DCHS2: variants seen among roughly 807,000 people sequenced by gnomAD.
DCHS2 encodes the protein protocadherin-23.
DCHS2 carries 142 observed loss-of-function variants against 182.4 expected under a neutral mutation model. The ratio of observed to expected loss-of-function variants is 0.78; its 90% CI spans 0.68 to 0.89. The LOEUF (loss-of-function observed/expected upper bound fraction) is 0.89. Ranked by LOEUF, DCHS2 falls within the 40% of genes least tolerant of loss-of-function variation. The pLI is 0.00. For synonymous variants in DCHS2, 1,740 were observed against 1,663.3 expected (o/e 1.05, Z -1.12); for missense variants, 4,319 against 4,198.6 (o/e 1.03, Z -0.79).
At chr4:154,275,182 A>G (rs988027446) in intron 13 of DCHS2, among the ~76,000 whole-genome samples, 1 of 152,104 alleles carries the variant, frequency 6.6e-6, no homozygotes, top group Non-Finnish European at 1.5e-5. Context: ...GTAAATATTA[A>G]AGGAAACAAG....
chr4:154,465,087 G>C (rs1735184533), intron 1 of DCHS2, among the ~76,000 whole-genome samples: 1 of 152,172 alleles, frequency 6.6e-6, no homozygotes, highest in Non-Finnish European at 1.5e-5. Context: ...CTTAAAACAA[G>C]ATATATTTAT....
chr4:154,357,173 G>T, intron 3 of DCHS2: 1 of 1,308,908 alleles, frequency 7.6e-7, no homozygotes, highest in Non-Finnish European at 1.1e-6. Flanking sequence ...GGCCTTTTTG[G>T]TGAATGCTTC....
At chr4:154,369,712 G>A (rs896672460) in intron 2 of DCHS2, among the ~76,000 whole-genome samples, 4 of 152,084 alleles carry the variant, frequency 2.6e-5, no homozygotes, top group African/African-American at 9.7e-5. Context: ...GCATGAGTAT[G>A]TCTTAATTTT....
intron 3 of DCHS2, among the ~76,000 whole-genome samples, chr4:154,351,795 G>A (rs1005408000): frequency 4.6e-5 from 7 of 152,064 alleles, no homozygotes; most frequent in Non-Finnish European, 1.0e-4. Context: ...TGCTTACGCC[G>A]ATCTGACAGG....
intron 13 of DCHS2, among the ~76,000 whole-genome samples, chr4:154,285,632 G>A (rs765747568): frequency 1.3e-5 from 2 of 152,178 alleles, no homozygotes; most frequent in Admixed American, 6.5e-5. Context: ...GTGGCCATAT[G>A]AGAGAGACTC....
chr4:154,353,121 A>G (rs949187857), intron 3 of DCHS2, among the ~76,000 whole-genome samples: 1 of 152,200 alleles, frequency 6.6e-6, no homozygotes, highest in African/African-American at 2.4e-5. Flanking sequence ...TGAACTCACA[A>G]TATAGGATGA....
chr4:154,260,129 T>C (rs148492057), intron 14 of DCHS2, among the ~76,000 whole-genome samples: 43 of 152,308 alleles, frequency 2.8e-4, no homozygotes, highest in South Asian at 1.0e-3. Context: ...GCCATAGTTA[T>C]TCTTAAAATG....
At chr4:154,328,584 C>T (rs1159106651) in intron 6 of DCHS2, among the ~76,000 whole-genome samples, 2 of 152,074 alleles carry the variant, frequency 1.3e-5, no homozygotes, top group East Asian at 1.9e-4. Context: ...AAGTATGAAC[C>T]TTTAATTCAG....
At chr4:154,453,606 C>T (rs141051287) in intron 1 of DCHS2, among the ~76,000 whole-genome samples, 1 of 152,256 alleles carries the variant, frequency 6.6e-6, no homozygotes, top group Non-Finnish European at 1.5e-5. Flanking sequence ...AGAGGACCCC[C>T]TGGTCTAACC....
chr4:154,343,450 A>G, intron 3 of DCHS2: 1 of 1,399,362 alleles, frequency 7.1e-7, no homozygotes, highest in Non-Finnish European at 9.3e-7. Flanking sequence ...TTGAAAATCT[A>G]TTGTTTAGTG....
At chr4:154,319,829 T>C (rs1410849012) in intron 9 of DCHS2, among the ~76,000 whole-genome samples, 1 of 152,106 alleles carries the variant, frequency 6.6e-6, no homozygotes, top group African/African-American at 2.4e-5. Context: ...CAACTCCACT[T>C]TTGGATATTT....
In DCHS2 at chr4:154,320,509, C is replaced by T. The variant is rs1467896329; in HGVS notation, c.4890G>A (p.Glu1630=). ...GGACCAAGGAGCCCACTGTGACATC[C>T]TCTTTGACATGGGCATTGGGGAAAG... ...FISFPNAHVK[E]DVTVGSLVHH... Residue 1630 remains glutamate, a synonymous_variant, in exon 9 of 20, where the codon GAG becomes GAA. Transcript: ENST00000357232. 3 of 1,614,040 alleles carry T rather than the reference C, an allele frequency of 1.9e-6. No individual in the cohort carries two copies. The Admixed American group carries it at 5.0e-5, about 27-fold the overall frequency.
At position 154,240,729 on chromosome 4, in the gene DCHS2, A is replaced by G; in HGVS notation, c.7167T>C (p.Pro2389=). ...TCTGATCAATAGCAAACTTGGTTCC[A>G]GGATTACTCTCTTTGGCAAAACTGA... is the stretch of plus-strand genomic sequence containing the variant. ...FIFSFAKESN[P]GTKFAIDQNT... is the part of the protein sequence containing the mutation. Residue 2389 remains proline (P), a synonymous_variant, in exon 18 of 20, where the codon CCT becomes CCC. Transcript: ENST00000357232. 2 of 1,614,018 alleles carry G rather than the reference A, an allele frequency of 1.2e-6. No homozygotes were observed. Among genetic ancestry groups the G allele is most frequent in the Non-Finnish European group, 1.7e-6 (2 of 1,179,924 alleles).
intron 1 of DCHS2, among the ~76,000 whole-genome samples, chr4:154,486,879 T>C (rs927594685): frequency 2.6e-5 from 4 of 152,132 alleles, no homozygotes; most frequent in Non-Finnish European, 4.4e-5. Context: ...GTCAGCACAA[T>C]TTAATGCTGT....
At chr4:154,239,447 A>G in intron 18 of DCHS2, 145 bp from the exon 19 acceptor site, 1 of 1,272,632 alleles carries the variant, frequency 7.9e-7, no homozygotes. Context: ...ATATTAATTT[A>G]TGGAATTGGC....
Position 154,490,432 on chromosome 4 carries a change from G to T in DCHS2, c.924C>A (p.Asp308Glu). The T allele has an allele frequency of 1.3e-6, 2 of 1,534,022 alleles. No homozygotes were observed. The highest frequency in any genetic ancestry group is 2.5e-5 in the East Asian group (1 of 40,638). ...QDEYRAAVRE[D>E]AQPGAEVCRV... ...GACAGACCTCGGCGCCCGGCTGGGC[G>T]TCCTCGCGCACCGCGGCGCGGTACT... Residue 308 changes from aspartate (D) to glutamate (E), a missense_variant, in exon 1 of 20, where the codon GAC (aspartate) becomes GAA (glutamate). Asp to Glu is a conservative substitution (Grantham distance 45, BLOSUM62 2). Transcript: ENST00000357232.
At chr4:154,319,754 A>C (rs1735986736) in intron 9 of DCHS2, among the ~76,000 whole-genome samples, 1 of 152,006 alleles carries the variant, frequency 6.6e-6, no homozygotes, top group Admixed American at 6.6e-5. Context: ...AAAATGTTAC[A>C]GCCACTATGG....
In DCHS2 at chr4:154,320,830, A is replaced by C. The variant is rs1736031544; in HGVS notation, c.4569T>G (p.Val1523=). ...ELIVISVEEN[V]PIGTLVYVFN... is the part of the protein sequence containing the mutation. Reference sequence around the variant, plus strand: ...AGACATACACCAGGGTTCCTATGGGAACATTCTCCTCTACACTGATCACAA... The same window carrying C: ...AGACATACACCAGGGTTCCTATGGGCACATTCTCCTCTACACTGATCACAA... The change falls in exon 9 of 20, where the codon GTT becomes GTG. Residue 1523 remains valine, a synonymous_variant. Transcript: ENST00000357232. The C allele has an allele frequency of 6.2e-7, 1 of 1,613,942 alleles. No homozygotes were observed.
chr4:154,240,026 CA>C (rs1731723886), intron 18 of DCHS2, among the ~76,000 whole-genome samples: 1 of 152,134 alleles, frequency 6.6e-6, no homozygotes, highest in Admixed American at 6.6e-5. Context: ...TTGCTACATT[CA>C]AAAGTTCTGG....
Sources: gnomAD v4.1 joint callset for allele counts (sites outside exome capture counted in the v4.1 genomes callset) on GRCh38, gnomAD v4.1.1 for gene constraint, MANE v1.5 for transcripts, NCBI Gene and HGNC (gene_info 2026-07-23, HGNC 2026-07-21) for gene names.